Variants in BMPR1B observed in about 807,000 individuals in gnomAD.
BMPR1B encodes the protein bone morphogenetic protein receptor type-1B.
A neutral mutation model predicts 59.1 loss-of-function variants in BMPR1B; 12 were observed. The ratio of observed to expected loss-of-function variants is 0.20; its 90% CI spans 0.13 to 0.33. The LOEUF (loss-of-function observed/expected upper bound fraction) is 0.33, where lower values mean the gene tolerates loss of function less well. BMPR1B is among the 10% of genes least tolerant of loss of function. The pLI, the probability that BMPR1B is intolerant of heterozygous loss-of-function variation, is 1.00. For missense variants in BMPR1B, 550 were observed against 610.9 expected (o/e 0.90, Z 1.05); for synonymous variants, 237 against 207.3 (o/e 1.14, Z -1.23).
rs145836254 is a variant in BMPR1B, at chr4:94,829,567, C to T, written c.-182-46264C>T. On this transcript the variant is annotated intron_variant, in intron 1 of 12. Coordinates refer to ENST00000515059, the MANE Select transcript of BMPR1B (RefSeq NM_001203.3). ...GGCATGAGCCATGGCACCTGGCCTT[C>T]AACAGTTATTTATTGGGTCCTTAGT... 4.4e-3 allele frequency among the ~76,000 whole-genome samples: 667 copies of T among 152,248 alleles called. 5 individuals are homozygous for T. Among genetic ancestry groups the T allele is most frequent in the African/African-American group, 0.015 (637 of 41,546 alleles).
chr4:94,823,537 A>T (rs1209019350), intron 1 of BMPR1B, among the ~76,000 whole-genome samples: 1 of 152,270 alleles, frequency 6.6e-6, no homozygotes, highest in East Asian at 1.9e-4. Context: ...AGGAGAAGGA[A>T]TTAATGGTCA....
At position 95,144,489 on chromosome 4, in the gene BMPR1B, T is replaced by A. The variant is rs113044890; in HGVS notation, c.1077-4259T>A. On this transcript the variant is annotated intron_variant, in intron 10 of 12. Transcript: ENST00000515059. ...CCACCACACCAGGCCTTTTTTTTTT[T>A]TAAAAAAAATACTCATTGAAGCATG... is the stretch of plus-strand genomic sequence containing the variant. Among the ~76,000 whole-genome samples the A allele has an allele frequency of 9.7e-3, 1,247 of 128,436 alleles. 25 individuals carry two copies. The highest frequency in any genetic ancestry group is 0.031 in the African/African-American group (1,087 of 34,760). The allele number at this position is 128,436 out of a possible 152,430, so 84.3% of individuals were successfully genotyped here.
At chr4:94,901,952 G>A (rs566200514) in intron 2 of BMPR1B, among the ~76,000 whole-genome samples, 1 of 150,766 alleles carries the variant, frequency 6.6e-6, no homozygotes, top group Non-Finnish European at 1.5e-5. Flanking sequence ...AGTCACATAG[G>A]TATATATTCA....
intron 3 of BMPR1B, among the ~76,000 whole-genome samples, chr4:95,024,593 A>G (rs1411058239): frequency 1.3e-5 from 2 of 152,188 alleles, no homozygotes; most frequent in Non-Finnish European, 2.9e-5. Context: ...TTTCCTAAAT[A>G]TCAATTATGC....
intron 1 of BMPR1B, among the ~76,000 whole-genome samples, chr4:94,794,657 A>C (rs1011443277): frequency 1.3e-5 from 2 of 151,346 alleles, no homozygotes; most frequent in Admixed American, 6.6e-5. Context: ...ATGAGCATGG[A>C]ATGTTCTTCC....
intron 3 of BMPR1B, among the ~76,000 whole-genome samples, chr4:95,039,880 C>T (rs1374382789): frequency 6.6e-6 from 1 of 152,188 alleles, no homozygotes; most frequent in Admixed American, 6.5e-5. Flanking sequence ...CCCCTGGTAG[C>T]ATGTCATGAC....
chr4:94,918,132 T>A (rs1012865057), intron 2 of BMPR1B, among the ~76,000 whole-genome samples: 1 of 152,122 alleles, frequency 6.6e-6, no homozygotes, highest in South Asian at 2.1e-4. Flanking sequence ...TAAATCTCTT[T>A]TTTTAGTATT....
chr4:94,953,862 G>T (rs566741836), intron 2 of BMPR1B, among the ~76,000 whole-genome samples: 16 of 152,222 alleles, frequency 1.1e-4, no homozygotes, highest in African/African-American at 3.1e-4. Context: ...TTCCAACTTG[G>T]TTCCATTCTC....
At chr4:94,780,784 G>T (rs1206789399) in intron 1 of BMPR1B, among the ~76,000 whole-genome samples, 1 of 137,286 alleles carries the variant, frequency 7.3e-6, no homozygotes, top group Non-Finnish European at 1.5e-5. Context: ...CGCCTCCCTT[G>T]TTCACGCCAT....
intron 2 of BMPR1B, among the ~76,000 whole-genome samples, chr4:94,925,622 G>A (rs1462358692): frequency 1.3e-5 from 2 of 152,152 alleles, no homozygotes; most frequent in African/African-American, 4.8e-5. Flanking sequence ...AAGAGCACAT[G>A]CCTTAAAAAT....
intron 1 of BMPR1B, among the ~76,000 whole-genome samples, chr4:94,856,821 G>A (rs1298332827): frequency 6.6e-6 from 1 of 152,186 alleles, no homozygotes. Context: ...TCCTGAAGAT[G>A]CAAGAGGAAA....
intron 1 of BMPR1B, among the ~76,000 whole-genome samples, chr4:94,799,303 G>GT (rs781266058): frequency 0.019 from 2,577 of 138,764 alleles, 60 homozygotes; most frequent in African/African-American, 0.056. Context: ...TTGGGTGACT[G>GT]TTTTTTTTTT....
At chr4:94,999,428 G>A (rs1465690044) in intron 3 of BMPR1B, among the ~76,000 whole-genome samples, 5 of 51,574 alleles carry the variant, frequency 9.7e-5, no homozygotes, top group East Asian at 5.7e-4. Context: ...AGTGTTGTGC[G>A]TGTGTGTGTG....
intron 3 of BMPR1B, among the ~76,000 whole-genome samples, chr4:95,061,901 C>T (rs866379583): frequency 6.6e-6 from 1 of 152,010 alleles, no homozygotes; most frequent in Non-Finnish European, 1.5e-5. Flanking sequence ...GGTGGTTTTC[C>T]CCCTTGCTGT....
chr4:94,786,901 C>T (rs568878585), intron 1 of BMPR1B, among the ~76,000 whole-genome samples: 26 of 152,050 alleles, frequency 1.7e-4, no homozygotes, highest in African/African-American at 6.0e-4. Flanking sequence ...GTTGCCTAGG[C>T]TGGTTTTGAA....
chr4:95,043,233 A>G (rs188958894), intron 3 of BMPR1B, among the ~76,000 whole-genome samples: 13 of 149,182 alleles, frequency 8.7e-5, no homozygotes, highest in Admixed American at 1.3e-4. Context: ...CAGTTTATCT[A>G]TCACCTAGTT....
intron 1 of BMPR1B, among the ~76,000 whole-genome samples, chr4:94,841,173 T>A (rs1416809827): frequency 1.5e-4 from 22 of 149,690 alleles, no homozygotes; most frequent in Non-Finnish European, 2.2e-4. Flanking sequence ...CAAAGCTGTC[T>A]GACAGGGACA....
chr4:95,012,701 A>G (rs377508407), intron 3 of BMPR1B, among the ~76,000 whole-genome samples: 12 of 152,306 alleles, frequency 7.9e-5, no homozygotes, highest in African/African-American at 2.9e-4. Context: ...CACAGAATTT[A>G]CTGTGCTAGC....
intron 2 of BMPR1B, among the ~76,000 whole-genome samples, chr4:94,974,985 C>G (rs1409931579): frequency 6.6e-6 from 1 of 152,176 alleles, no homozygotes; most frequent in Non-Finnish European, 1.5e-5. Context: ...ACAGATTACA[C>G]ATAGCCCAAG....
Sources: gnomAD v4.1 joint callset for allele counts (sites outside exome capture counted in the v4.1 genomes callset) on GRCh38, gnomAD v4.1.1 for gene constraint, MANE v1.5 for transcripts, NCBI Gene and HGNC (gene_info 2026-07-23, HGNC 2026-07-21) for gene names.